The following ZBED6 variants were observed in gnomAD, a reference collection of about 807,000 sequenced individuals.
ZBED6 encodes zinc finger BED domain-containing protein 6.
ZBED6 carries 40 observed loss-of-function variants against 58.4 expected under a neutral mutation model. That is an observed-to-expected ratio of 0.68 (90% confidence interval 0.53 to 0.89). The LOEUF is 0.89. Ranked by LOEUF, ZBED6 falls within the 40% of genes least tolerant of loss-of-function variation. The probability of loss-of-function intolerance (pLI) is 0.00; values close to 1 mark genes in which losing one functional copy is unlikely to be tolerated. For missense variants in ZBED6, 1,057 were observed against 1,003.9 expected, an observed-to-expected ratio of 1.05 and a Z score of -0.71; for synonymous variants, 439 against 350.6, an observed-to-expected ratio of 1.25 and a Z score of -2.82.
exon 3 of ZBED6, chr1:203,818,683 G>T (rs1677177319): frequency 1.2e-6 from 2 of 1,614,034 alleles, no homozygotes; most frequent in Non-Finnish European, 1.7e-6. Context: ...GGCACATGGA[G>T]ATTGATGTAA....
chr1:203,834,272 A>G (rs987845735), intron 9 of ZBED6, among the ~76,000 whole-genome samples: 2 of 152,028 alleles, frequency 1.3e-5, no homozygotes, highest in African/African-American at 4.8e-5. Flanking sequence ...GTGCTTGCTT[A>G]TTTATTTATT....
intron 1 of ZBED6, among the ~76,000 whole-genome samples, chr1:203,811,514 CTT>C (rs553843746): frequency 6.6e-6 from 1 of 151,450 alleles, no homozygotes; most frequent in African/African-American, 2.4e-5. Context: ...CCCTTAAAAA[CTT>C]TTTTTTTCTG....
intron 2 of ZBED6, 142 bp from the exon 3 acceptor site, chr1:203,818,428 C>A: frequency 9.1e-7 from 1 of 1,099,838 alleles, no homozygotes; most frequent in Non-Finnish European, 1.3e-6. Context: ...TTGTTCCTGT[C>A]ATTCCATGTC....
exon 1 of ZBED6, chr1:203,799,063 G>T: frequency 6.5e-7 from 1 of 1,536,086 alleles, no homozygotes; most frequent in Non-Finnish European, 8.7e-7. Flanking sequence ...CTCAATAATG[G>T]CAGGATCCCC....
At chr1:203,830,644 C>G (rs1464231010) in intron 7 of ZBED6, among the ~76,000 whole-genome samples, 1 of 152,028 alleles carries the variant, frequency 6.6e-6, no homozygotes, top group Non-Finnish European at 1.5e-5. Context: ...AACCCCGTCT[C>G]TACTAAAACA....
intron 3 of ZBED6, 52 bp from the exon 4 acceptor site, chr1:203,828,247 A>G: frequency 6.2e-7 from 1 of 1,608,510 alleles, no homozygotes; most frequent in African/African-American, 1.3e-5. Flanking sequence ...CTGCCACATG[A>G]ATATACGTAT....
At chr1:203,799,635 A>G (rs1669899579) in exon 1 of ZBED6, 1 of 703,420 alleles carries the variant, frequency 1.4e-6, no homozygotes, top group Non-Finnish European at 2.6e-6. Flanking sequence ...AGTGAGCGTG[A>G]AGACCGCAGG....
rs58563038 is a variant in ZBED6 at position 203,826,321 on chromosome 1, T to C, written c.*2874-1978T>C. ...CAGTAGCCTATACTTTTAAAAAATA[T>C]TATACTTTTAGAAAATATCAATAAT... On this transcript the variant is annotated intron_variant, in intron 3 of 16. Transcript: ENST00000550078. Among the ~76,000 whole-genome samples, 799 of 151,568 alleles carry C rather than the reference T, an allele frequency of 5.3e-3. 7 individuals carry two copies. Among genetic ancestry groups the C allele is most frequent in the African/African-American group, 0.019 (769 of 41,450 alleles).
At chr1:203,796,233 G>T (rs887818390) in exon 1 of ZBED6, 19 of 392,990 alleles carry the variant, frequency 4.8e-5, no homozygotes, top group African/African-American at 3.5e-4. Context: ...GACCCTCACT[G>T]CCTAAATCAA....
At chr1:203,845,846 A>T (rs1045155968) in intron 11 of ZBED6, among the ~76,000 whole-genome samples, 1 of 152,242 alleles carries the variant, frequency 6.6e-6, no homozygotes, top group African/African-American at 2.4e-5. Context: ...AGCCTGGGCA[A>T]CAGAGCAAAA....
exon 1 of ZBED6, chr1:203,797,345 A>T (rs755293081): frequency 3.3e-5 from 19 of 569,028 alleles, no homozygotes; most frequent in Non-Finnish European, 5.6e-5. Flanking sequence ...AATGTTCTCC[A>T]TTGCTGTCAG....
chr1:203,796,696 G>A, exon 1 of ZBED6: 1 of 370,404 alleles, frequency 2.7e-6, no homozygotes. Flanking sequence ...TCTCTATAGC[G>A]TACAACTTGT....
intron 1 of ZBED6, among the ~76,000 whole-genome samples, chr1:203,809,388 G>T (rs1056437491): frequency 1.3e-5 from 2 of 151,160 alleles, no homozygotes; most frequent in Non-Finnish European, 2.9e-5. Flanking sequence ...TATTGGCCAG[G>T]CTGGTCTCAA....
intron 3 of ZBED6, among the ~76,000 whole-genome samples, chr1:203,819,422 A>C (rs531475261): frequency 6.7e-6 from 1 of 150,278 alleles, no homozygotes; most frequent in East Asian, 2.0e-4. Context: ...GGGTTTTACC[A>C]CGCAGGCCAG....
chr1:203,806,935 C>T (rs1672593122), intron 1 of ZBED6, among the ~76,000 whole-genome samples: 1 of 141,008 alleles, frequency 7.1e-6, no homozygotes, highest in Non-Finnish European at 1.5e-5. Flanking sequence ...AAAATTACTA[C>T]AGGATTTTTT....
At chr1:203,816,611 A>G (rs757399663) in intron 1 of ZBED6, among the ~76,000 whole-genome samples, 4 of 152,190 alleles carry the variant, frequency 2.6e-5, no homozygotes, top group Non-Finnish European at 5.9e-5. Flanking sequence ...AGCCTGGGCA[A>G]CAGAGTGAGA....
At chr1:203,824,274 TAAA>T (rs5780199) in intron 3 of ZBED6, among the ~76,000 whole-genome samples, 1 of 139,982 alleles carries the variant, frequency 7.1e-6, no homozygotes, top group Non-Finnish European at 1.5e-5. Context: ...ATCTCAAAAT[TAAA>T]AAAAAAAAAA....
At chr1:203,828,615 T>C (rs1681305307) in intron 4 of ZBED6, among the ~76,000 whole-genome samples, 193 bp downstream of exon 4, 1 of 152,242 alleles carries the variant, frequency 6.6e-6, no homozygotes, top group Non-Finnish European at 1.5e-5. Flanking sequence ...TTATATATCT[T>C]GGCATGCCAT....
At chr1:203,799,975 C>T (rs1214304812) in exon 1 of ZBED6, 1 of 1,536,160 alleles carries the variant, frequency 6.5e-7, no homozygotes, top group Non-Finnish European at 8.7e-7. Flanking sequence ...TCAGAAGCTT[C>T]TTGTCCCTCA....
Sources: allele counts gnomAD v4.1 joint callset (sites outside exome capture counted in the v4.1 genomes callset), GRCh38; gene constraint gnomAD v4.1.1; transcripts MANE v1.5; gene names NCBI Gene and HGNC (gene_info 2026-07-23, HGNC 2026-07-21).